The following GINS2 variants were observed in gnomAD, a reference collection of about 807,000 sequenced individuals.
GINS2 encodes GINS complex subunit 2.
In GINS2, 23 loss-of-function variants were observed where a neutral mutation model predicts 21.2. The observed-to-expected ratio is 1.08, with a 90% confidence interval of 0.78 to 1.53. GINS2 has a LOEUF of 1.53. Among genes scored for constraint, GINS2 ranks in the 40% most tolerant of loss-of-function variants. The probability of loss-of-function intolerance (pLI) is 0.00; values close to 1 mark genes in which losing one functional copy is unlikely to be tolerated. For synonymous variants in GINS2, 118 were observed against 85.6 expected, an observed-to-expected ratio of 1.38 and a Z score of -2.09; for missense variants, 323 against 233.9, an observed-to-expected ratio of 1.38 and a Z score of -2.49.
At chr16:85,684,429 A>C (rs2053758713) in intron 2 of GINS2, among the ~76,000 whole-genome samples, 1 of 152,162 alleles carries the variant, frequency 6.6e-6, no homozygotes, top group Non-Finnish European at 1.5e-5. Flanking sequence ...CAGGAGTTGG[A>C]GGCTGCAATT....
At chr16:85,684,717 G>A (rs117233051) in intron 2 of GINS2, among the ~76,000 whole-genome samples, 17 of 150,922 alleles carry the variant, frequency 1.1e-4, no homozygotes, top group Non-Finnish European at 2.2e-4. Context: ...AACAGTGTTG[G>A]ATAAGAGAAA....
Position 85,684,896 on chromosome 16 carries a change from T to C in GINS2, c.205+2564A>G, listed in dbSNP as rs1050223133. Among the ~76,000 whole-genome samples the C allele has an allele frequency of 2.6e-4, 40 of 152,010 alleles. No homozygotes were observed. In the East Asian group the frequency reaches 7.7e-3, roughly 29 times the overall value. Reference sequence around the variant, plus strand: ...TCCACCTCCTGGATTCAAGCAATTCTCCCTGCCTCAGCCTCCCAAGTAGCT... The same window carrying C: ...TCCACCTCCTGGATTCAAGCAATTCCCCCTGCCTCAGCCTCCCAAGTAGCT... On this transcript the variant is annotated intron_variant, in intron 2 of 4. Coordinates refer to ENST00000253462, the MANE Select transcript of GINS2 (RefSeq NM_016095.3).
chr16:85,681,370 C>G (rs1460756997), intron 3 of GINS2, among the ~76,000 whole-genome samples: 2 of 152,216 alleles, frequency 1.3e-5, no homozygotes, highest in Non-Finnish European at 2.9e-5. Context: ...AGGCAAAGAA[C>G]AGACAGAAAG....
At chr16:85,685,876 A>AG (rs1173630574) in intron 2 of GINS2, among the ~76,000 whole-genome samples, 1 of 151,442 alleles carries the variant, frequency 6.6e-6, no homozygotes, top group Non-Finnish European at 1.5e-5. Flanking sequence ...CCCAGTAAGG[A>AG]GGGGGCAGTC....
In GINS2 at chr16:85,678,294, A is replaced by T. The variant is rs532522114; in HGVS notation, c.476T>A (p.Phe159Tyr). Reference sequence around the variant, plus strand: ...CATGTGGTTGAGCGCTTGTGTGAGGAAAGTCCCGCTGGTGTTGATCTCCAT... The same window carrying T: ...CATGTGGTTGAGCGCTTGTGTGAGGTAAGTCCCGCTGGTGTTGATCTCCAT... ...TLMEINTSGT[F>Y]LTQALNHMYK... Residue 159 changes from phenylalanine to tyrosine, a missense_variant, in exon 5 of 5, where the codon TTC becomes TAC. Coordinates refer to ENST00000253462, the MANE Select transcript of GINS2 (RefSeq NM_016095.3). 1.9e-6 allele frequency: 3 copies of T among 1,613,408 alleles called. No individual in the cohort carries two copies. Among genetic ancestry groups the T allele is most frequent in the African/African-American group, 2.7e-5 (2 of 75,028 alleles).
intron 3 of GINS2, 69 bp downstream of exon 3, chr16:85,681,513 C>T (rs986364924): frequency 6.5e-5 from 59 of 902,010 alleles, no homozygotes; most frequent in Non-Finnish European, 8.9e-5. Context: ...AGAGGAAGGA[C>T]GAGGGTTAGG....
At chr16:85,681,895 C>T (rs1567791476) in intron 2 of GINS2, among the ~76,000 whole-genome samples, 2 of 151,950 alleles carry the variant, frequency 1.3e-5, no homozygotes, top group Non-Finnish European at 1.5e-5. Flanking sequence ...AAATTTTTGT[C>T]GCTGCTTTAG....
At chr16:85,680,138 C>T (rs2053719454) in intron 3 of GINS2, among the ~76,000 whole-genome samples, 1 of 152,222 alleles carries the variant, frequency 6.6e-6, no homozygotes, top group Non-Finnish European at 1.5e-5. Context: ...CCCAGGCCCA[C>T]ATCTCTCCCG....
At chr16:85,688,283 C>A (rs953145866) in intron 1 of GINS2, among the ~76,000 whole-genome samples, 1 of 152,084 alleles carries the variant, frequency 6.6e-6, no homozygotes, top group African/African-American at 2.4e-5. Context: ...CGCAGTGGCT[C>A]CCGCCTGTCA....
chr16:85,678,245 C>T lies in GINS2; in HGVS notation c.525G>A (p.Gln175=). Residue 175 remains glutamine, a synonymous_variant, in exon 5 of 5, where the codon CAG becomes CAA. Coordinates refer to ENST00000253462, the MANE Select transcript of GINS2 (RefSeq NM_016095.3). ...CCTGAGACTGAGTACTCTCCAGAGG[C>T]TGGAGGTTCGTGCGGAGTTTGTACA... ...NHMYKLRTNL[Q]PLESTQSQDF is the part of the protein sequence containing the mutation. 1 of 1,613,728 alleles carries T rather than the reference C, an allele frequency of 6.2e-7. No homozygotes were observed. Among genetic ancestry groups the T allele is most frequent in the Non-Finnish European group, 8.5e-7 (1 of 1,179,822 alleles).
At chr16:85,687,417 C>G (rs769365897) in intron 2 of GINS2, 43 bp downstream of exon 2, 6 of 1,246,722 alleles carry the variant, frequency 4.8e-6, no homozygotes, top group Non-Finnish European at 6.6e-6. Context: ...CACCCCAAGC[C>G]CAGCCCCACC....
In GINS2 at chr16:85,678,818, G is replaced by A. The variant is rs2053708635; in HGVS notation, c.306-152C>T. On this transcript the variant is annotated intron_variant, in intron 3 of 4. Coordinates refer to ENST00000253462, the MANE Select transcript of GINS2 (RefSeq NM_016095.3). ...TTTCAACTTTAGGGTGTAAAGATTT[G>A]TAGCAGTTAAGCTTGGTGCGGCAGT... is the stretch of plus-strand genomic sequence containing the variant. 11 of 739,162 alleles carry A rather than the reference G, an allele frequency of 1.5e-5. No homozygotes were observed. In the South Asian group the frequency reaches 2.0e-4, roughly 13 times the overall value. The allele number at this position is 739,162 out of a possible 1,614,324, so 45.8% of individuals were successfully genotyped here. A position where few individuals can be genotyped will look rare whatever the true frequency, so the allele number is the denominator to read the frequency against.
chr16:85,681,262 C>G (rs944085422), intron 3 of GINS2, among the ~76,000 whole-genome samples: 1 of 152,238 alleles, frequency 6.6e-6, no homozygotes, highest in Non-Finnish European at 1.5e-5. Context: ...ATGCTGGTGG[C>G]TCACACTGGG....
At chr16:85,682,788 G>T (rs930209800) in intron 2 of GINS2, among the ~76,000 whole-genome samples, 1 of 152,182 alleles carries the variant, frequency 6.6e-6, no homozygotes, top group African/African-American at 2.4e-5. Context: ...GGAGCAGACT[G>T]TGTACTATAG....
chr16:85,687,453 T>A lies in GINS2; in HGVS notation c.205+7A>T, dbSNP rs757088985. ...CACGCATCAACCAGTCTCCACCACA[T>A]CCTTACCTACATCCATCCACTCTGG... On this transcript the variant is annotated splice_region_variant and intron_variant, in intron 2 of 4. Transcript: ENST00000253462. 3 of 1,490,630 alleles carry A rather than the reference T, an allele frequency of 2.0e-6. No individual in the cohort carries two copies. Among genetic ancestry groups the A allele is most frequent in the Non-Finnish European group, 2.7e-6 (3 of 1,108,416 alleles). The allele number at this position is 1,490,630 out of a possible 1,614,324, so 92.3% of individuals were successfully genotyped here.
Position 85,681,636 on chromosome 16 carries a change from A to G in GINS2, c.251T>C (p.Phe84Ser). 1 of 1,613,216 alleles carries G rather than the reference A, an allele frequency of 6.2e-7. No homozygotes were observed. The highest frequency in any genetic ancestry group is 8.5e-7 in the Non-Finnish European group (1 of 1,179,230). ...GTAGTAAGGGCTGGGCATTGGGGTA[A>G]AAGTTTCTTCCTTTCGTTCATGATC... ...MRDHERKEET[F>S]TPMPSPYYME... Residue 84 changes from phenylalanine (F) to serine (S), a missense_variant, in exon 3 of 5, where the codon TTT (phenylalanine) becomes TCT (serine). By Grantham distance (155) the Phe-to-Ser change is radical. Transcript: ENST00000253462.
In GINS2 at chr16:85,681,686, A is replaced by G. The variant is rs182434287; in HGVS notation, c.206-5T>C. 1.7e-5 allele frequency: 27 copies of G among 1,558,170 alleles called. No individual in the cohort carries two copies. In the Admixed American group the frequency reaches 4.5e-4, roughly 26 times the overall value. On this transcript the variant is annotated splice_region_variant and splice_polypyrimidine_tract_variant and intron_variant, in intron 2 of 4. Coordinates refer to ENST00000253462, the MANE Select transcript of GINS2 (RefSeq NM_016095.3). ...CCCTCATCTTCTCCAACTTTTCTGA[A>G]ATTTAGAAGTTAATACATTTTACCA...
chr16:85,680,743 G>C (rs1056600528), intron 3 of GINS2, among the ~76,000 whole-genome samples: 2 of 152,240 alleles, frequency 1.3e-5, no homozygotes, highest in East Asian at 1.9e-4. Flanking sequence ...CAGGGGCAGG[G>C]AAAGGACAGA....
rs1260134436 is a variant in GINS2, at chr16:85,681,701, A to G, written c.206-20T>C. On this transcript the variant is annotated intron_variant, in intron 2 of 4. Coordinates refer to ENST00000253462, the MANE Select transcript of GINS2 (RefSeq NM_016095.3). ...ACTTTTCTGAAATTTAGAAGTTAAT[A>G]CATTTTACCATCATTATAACCAAGA... The G allele has an allele frequency of 7.2e-7, 1 of 1,397,524 alleles. No individual in the cohort carries two copies. The highest frequency in any genetic ancestry group is 1.0e-6 in the Non-Finnish European group (1 of 986,788). 86.6% of individuals were successfully genotyped at this position (1,397,524 alleles called of 1,614,324 possible). A position where few individuals can be genotyped will look rare whatever the true frequency, so the allele number is the denominator to read the frequency against.
Sources: gnomAD v4.1 joint callset for allele counts (sites outside exome capture counted in the v4.1 genomes callset) on GRCh38, gnomAD v4.1.1 for gene constraint, MANE v1.5 for transcripts, NCBI Gene and HGNC (gene_info 2026-07-23, HGNC 2026-07-21) for gene names.